The following TBCK variants were observed in gnomAD, a reference collection of about 807,000 sequenced individuals.
TBCK encodes the protein TBC1 domain containing kinase, also known as TBC domain-containing protein kinase-like protein.
A neutral mutation model predicts 113.4 loss-of-function variants in TBCK; 99 were observed. That is an observed-to-expected ratio of 0.87 (90% CI 0.74 to 1.03). TBCK has a LOEUF of 1.03. Among genes scored for constraint, TBCK ranks in the 50% least tolerant of loss-of-function variants. The pLI is 0.00. For synonymous variants in TBCK, 369 were observed against 370.8 expected (o/e 1.00, Z 0.05); for missense variants, 1,045 against 1,061.3 (o/e 0.98, Z 0.21).
Position 106,116,393 on chromosome 4 carries a change from G to A in TBCK, c.2236-15C>T. ...GATTCTCTTGACTGAAAAAAAAAAT[G>A]TACAAAAAAAAATATTGAGAATATT... is the stretch of plus-strand genomic sequence containing the variant. On this transcript the variant is annotated splice_polypyrimidine_tract_variant and intron_variant, in intron 23 of 25. Coordinates refer to ENST00000394708, the MANE Select transcript of TBCK (RefSeq NM_001163435.3). 3.8e-6 allele frequency: 6 copies of A among 1,571,132 alleles called. No homozygotes were observed. The highest frequency in any genetic ancestry group is 4.3e-6 in the Non-Finnish European group (5 of 1,154,352).
chr4:106,211,949 G>A (rs1756187546), intron 20 of TBCK, among the ~76,000 whole-genome samples: 1 of 151,746 alleles, frequency 6.6e-6, no homozygotes, highest in African/African-American at 2.4e-5. Context: ...TTTTAATAAA[G>A]TATCTTCCTA....
At chr4:106,166,612 C>G (rs553355930) in intron 23 of TBCK, among the ~76,000 whole-genome samples, 2 of 151,510 alleles carry the variant, frequency 1.3e-5, no homozygotes, top group Admixed American at 1.3e-4. Context: ...AAGACCAAAG[C>G]CTGACAAGGA....
intron 24 of TBCK, among the ~76,000 whole-genome samples, chr4:106,108,937 C>T (rs773338233): frequency 2.7e-5 from 4 of 149,984 alleles, no homozygotes; most frequent in African/African-American, 5.1e-5. Flanking sequence ...GTACAAAAAT[C>T]ACTAGCATTC....
rs1471481106 is a variant in TBCK, at chr4:106,236,448, C to T, written c.1292G>A (p.Arg431Lys). ...TAGTTGGTACTCTGTATCCTTCTCTCTGATGATTAAAGGGAGCGTGGCAGC... is the reference window on the plus strand; with the variant it reads ...TAGTTGGTACTCTGTATCCTTCTCTTTGATGATTAAAGGGAGCGTGGCAGC... ...SAAATLPLII[R>K]EKDTEYQLNR... The change falls in exon 14 of 26, where the codon AGA becomes AAA. Residue 431 changes from arginine (R) to lysine (K), a missense_variant. Arg to Lys is a conservative substitution (Grantham distance 26). Coordinates refer to ENST00000394708, the MANE Select transcript of TBCK (RefSeq NM_001163435.3). The T allele has an allele frequency of 1.0e-5, 16 of 1,576,666 alleles. No individual in the cohort carries two copies. The highest frequency in any genetic ancestry group is 1.3e-5 in the Non-Finnish European group (15 of 1,160,392).
rs369683844 is a variant in TBCK at position 106,057,489 on chromosome 4, C to T, written c.2572-10809G>A. Among the ~76,000 whole-genome samples the T allele has an allele frequency of 1.3e-4, 20 of 151,754 alleles. 1 individual carries two copies. In the East Asian group the frequency reaches 1.9e-3, roughly 15 times the overall value. On this transcript the variant is annotated intron_variant, in intron 25 of 25. Transcript: ENST00000394708. ...GACTGCTAAAATGAAAACTCTTTAA[C>T]ATAGCACTCAAGGTCCTCTATCATA...
rs960927752 is a variant in TBCK at position 106,046,505 on chromosome 4, A to G, written c.*65T>C. 3 of 839,868 alleles carry G rather than the reference A, an allele frequency of 3.6e-6. No homozygotes were observed. Among genetic ancestry groups the G allele is most frequent in the Non-Finnish European group, 6.0e-6 (3 of 496,190 alleles). The allele number at this position is 839,868 out of a possible 1,614,324, so 52.0% of individuals were successfully genotyped here. ...CTAGTTTTGTCTGAGAGTGGCGTGG[A>G]TATGAAGAACTGTGCTGTTGGTGCT... On this transcript the variant is annotated 3_prime_UTR_variant, in exon 26 of 26. Transcript: ENST00000394708.
intron 25 of TBCK, among the ~76,000 whole-genome samples, chr4:106,080,403 C>T (rs939758154): frequency 6.6e-6 from 1 of 152,038 alleles, no homozygotes; most frequent in Non-Finnish European, 1.5e-5. Flanking sequence ...TTGACAAAGT[C>T]AACTATAATA....
At chr4:106,202,505 G>A (rs368675201) in intron 20 of TBCK, among the ~76,000 whole-genome samples, 2 of 151,772 alleles carry the variant, frequency 1.3e-5, no homozygotes, top group South Asian at 2.1e-4. Context: ...GTTTTTTTAC[G>A]TTTTCATTGA....
chr4:106,096,619 G>A (rs1294084603), intron 24 of TBCK, among the ~76,000 whole-genome samples: 4 of 152,190 alleles, frequency 2.6e-5, no homozygotes, highest in African/African-American at 9.7e-5. Context: ...CACTGACCCT[G>A]AGGAAAGGGT....
chr4:106,220,237 T>G (rs1053855101), intron 19 of TBCK, among the ~76,000 whole-genome samples: 1 of 152,142 alleles, frequency 6.6e-6, no homozygotes, highest in Non-Finnish European at 1.5e-5. Flanking sequence ...CCCGTGCTAT[T>G]CTCATAATAG....
At chr4:106,167,785 A>G (rs1465473507) in intron 23 of TBCK, among the ~76,000 whole-genome samples, 4 of 151,734 alleles carry the variant, frequency 2.6e-5, no homozygotes, top group Non-Finnish European at 5.9e-5. Flanking sequence ...GAAAGACACA[A>G]TATGACAAAA....
At chr4:106,065,399 T>C (rs1736524328) in intron 25 of TBCK, among the ~76,000 whole-genome samples, 1 of 152,052 alleles carries the variant, frequency 6.6e-6, no homozygotes, top group South Asian at 2.1e-4. Flanking sequence ...CTCACATGAC[T>C]TTTTAAAAAA....
At chr4:106,275,945 C>A (rs1288701341) in intron 3 of TBCK, among the ~76,000 whole-genome samples, 1 of 151,804 alleles carries the variant, frequency 6.6e-6, no homozygotes, top group African/African-American at 2.4e-5. Context: ...ATACAAAGAA[C>A]CAAAAATAGC....
intron 25 of TBCK, among the ~76,000 whole-genome samples, chr4:106,080,028 T>G (rs1173793277): frequency 6.6e-6 from 1 of 152,144 alleles, no homozygotes; most frequent in East Asian, 1.9e-4. Flanking sequence ...CCTCTAACAA[T>G]TCGACATGAG....
intron 2 of TBCK, among the ~76,000 whole-genome samples, chr4:106,305,327 C>T (rs890134594): frequency 6.6e-6 from 1 of 151,836 alleles, no homozygotes; most frequent in African/African-American, 2.4e-5. Context: ...GACTTTGTTT[C>T]CTAGAAATAT....
intron 23 of TBCK, among the ~76,000 whole-genome samples, chr4:106,158,028 C>G (rs1468722429): frequency 6.6e-6 from 1 of 152,048 alleles, no homozygotes; most frequent in African/African-American, 2.4e-5. Context: ...AATTTCTGTG[C>G]TACAGCATAG....
intron 20 of TBCK, among the ~76,000 whole-genome samples, chr4:106,208,409 CT>C (rs35298308): frequency 0.22 from 30,229 of 137,658 alleles, 3,388 homozygotes; most frequent in Non-Finnish European, 0.3. Context: ...TGAGTGGTGC[CT>C]TTTTTTTTTT....
chr4:106,149,663 T>C (rs1030773113), intron 23 of TBCK, among the ~76,000 whole-genome samples: 1 of 152,128 alleles, frequency 6.6e-6, no homozygotes, highest in Non-Finnish European at 1.5e-5. Flanking sequence ...TGATCACAGA[T>C]CACCGTAACA....
chr4:106,179,849 T>C (rs1423106405), intron 22 of TBCK, among the ~76,000 whole-genome samples: 1 of 152,050 alleles, frequency 6.6e-6, no homozygotes, highest in African/African-American at 2.4e-5. Context: ...CTGAGTCCCC[T>C]TCTATTATAA....
Sources: allele counts gnomAD v4.1 joint callset (sites outside exome capture counted in the v4.1 genomes callset), GRCh38; gene constraint gnomAD v4.1.1; transcripts MANE v1.5; gene names NCBI Gene and HGNC (gene_info 2026-07-23, HGNC 2026-07-21).